Variants in NUDT13 observed in about 807,000 individuals in gnomAD.
NUDT13 encodes the protein nudix hydrolase 13.
Under a neutral mutation model 41.7 loss-of-function variants are expected in NUDT13, and 40 were observed. That is an observed-to-expected ratio of 0.96 (90% CI 0.75 to 1.25). The LOEUF is 1.25. Among genes scored for constraint, NUDT13 ranks in the 50% most tolerant of loss-of-function variants. NUDT13 has a pLI of 0.00. For missense variants in NUDT13, 390 were observed against 416.1 expected (o/e 0.94, Z 0.55); for synonymous variants, 145 against 155.5 (o/e 0.93, Z 0.50).
At chr10:73,122,880 C>T (rs1842679977) in intron 4 of NUDT13, among the ~76,000 whole-genome samples, 1 of 150,264 alleles carries the variant, frequency 6.7e-6, no homozygotes. Context: ...CCACACCTGG[C>T]CTATACATTT....
At chr10:73,119,886 A>T (rs1842601037) in intron 2 of NUDT13, 132 bp from the exon 3 acceptor site, 1 of 986,536 alleles carries the variant, frequency 1.0e-6, no homozygotes, top group Non-Finnish European at 1.5e-6. Context: ...TTTTGGAGCA[A>T]ATTAGGTTGT....
intron 5 of NUDT13, 105 bp downstream of exon 5, chr10:73,124,425 C>A: frequency 1.3e-6 from 1 of 741,272 alleles, no homozygotes; most frequent in Non-Finnish European, 2.3e-6. Flanking sequence ...TCTTCTTTTG[C>A]AGATTATAGT....
chr10:73,112,850 A>T (rs1842402478), intron 1 of NUDT13, among the ~76,000 whole-genome samples: 1 of 151,382 alleles, frequency 6.6e-6, no homozygotes, highest in Admixed American at 6.6e-5. Context: ...GTTACTATAT[A>T]TATATATTTT....
chr10:73,119,732 C>G (rs962056864), intron 2 of NUDT13, among the ~76,000 whole-genome samples: 2 of 152,122 alleles, frequency 1.3e-5, no homozygotes, highest in African/African-American at 4.8e-5. Context: ...GTAAAGCATA[C>G]CTTCCCCTTA....
chr10:73,112,149 G>A (rs944630101), intron 1 of NUDT13, among the ~76,000 whole-genome samples: 1 of 152,034 alleles, frequency 6.6e-6, no homozygotes, highest in Non-Finnish European at 1.5e-5. Flanking sequence ...ACAGGAGTTC[G>A]AGACCAGCCT....
At chr10:73,127,068 A>C (rs1298057096) in intron 8 of NUDT13, among the ~76,000 whole-genome samples, 1 of 151,740 alleles carries the variant, frequency 6.6e-6, no homozygotes, top group Non-Finnish European at 1.5e-5. Context: ...ACATGGCAAA[A>C]CTCCATCTCT....
rs1401643292 is a variant in NUDT13, at chr10:73,124,492, T to C, written c.465+172T>C. The C allele has an allele frequency of 1.8e-5, 10 of 558,874 alleles. No individual in the cohort carries two copies. In the Admixed American group the frequency reaches 2.2e-4, roughly 12 times the overall value. The allele number at this position is 558,874 out of a possible 1,614,324, so 34.6% of individuals were successfully genotyped here. ...TGTAGGGAGATTGCTTATTCTTCCTTCTTCTGCCCTTGTTTTTGGCAGAAC... is the reference window on the plus strand; with the variant it reads ...TGTAGGGAGATTGCTTATTCTTCCTCCTTCTGCCCTTGTTTTTGGCAGAAC... On this transcript the variant is annotated intron_variant, in intron 5 of 8. Transcript: ENST00000357321.
chr10:73,122,747 T>A lies in NUDT13; in HGVS notation c.358+438T>A, dbSNP rs1236053656. 1.1e-4 allele frequency among the ~76,000 whole-genome samples: 12 copies of A among 105,272 alleles called. No individual in the cohort carries two copies. In the East Asian group the frequency reaches 3.7e-3, roughly 32 times the overall value. The allele number at this position is 105,272 out of a possible 152,430, so 69.1% of individuals were successfully genotyped here. On this transcript the variant is annotated intron_variant, in intron 4 of 8. Transcript: ENST00000357321. The stretch of plus-strand genomic sequence containing the variant: ...CTACCATGCCCAGCTAATTTTTAAT[T>A]TTTTTTTTTTTTTAATAGAGATGGG...
chr10:73,118,775 C>T (rs1236638473), intron 2 of NUDT13, among the ~76,000 whole-genome samples: 1 of 151,928 alleles, frequency 6.6e-6, no homozygotes, highest in African/African-American at 2.4e-5. Flanking sequence ...GAGTTCGAAA[C>T]CAGCCTGGCC....
At chr10:73,124,887 A>C (rs1312309153) in intron 5 of NUDT13, 1 of 440,558 alleles carries the variant, frequency 2.3e-6, no homozygotes, top group Non-Finnish European at 4.0e-6. Context: ...ATATGTTTTA[A>C]ATAATAATAC....
intron 1 of NUDT13, among the ~76,000 whole-genome samples, chr10:73,112,743 A>G (rs560422749): frequency 1.1e-4 from 17 of 152,118 alleles, no homozygotes; most frequent in Admixed American, 9.8e-4. Context: ...GAATTTATTC[A>G]TCCTAACTGA....
At chr10:73,124,474 A>G in intron 5 of NUDT13, 154 bp downstream of exon 5, 6 of 574,234 alleles carry the variant, frequency 1.0e-5, no homozygotes, top group Non-Finnish European at 1.5e-5. Flanking sequence ...TGCTGTAGGG[A>G]GATTGCTTAT....
chr10:73,120,841 G>A (rs1021056213), intron 3 of NUDT13, among the ~76,000 whole-genome samples: 1 of 151,918 alleles, frequency 6.6e-6, no homozygotes, highest in Non-Finnish European at 1.5e-5. Context: ...GGGAGGCTGA[G>A]GTAGGAGAAT....
intron 3 of NUDT13, among the ~76,000 whole-genome samples, chr10:73,120,861 C>T (rs1842629916): frequency 6.6e-6 from 1 of 151,658 alleles, no homozygotes; most frequent in African/African-American, 2.4e-5. Flanking sequence ...TGGCGTCAAC[C>T]CGGGAGGCGG....
intron 3 of NUDT13, among the ~76,000 whole-genome samples, chr10:73,120,744 C>G (rs1252446668): frequency 6.6e-6 from 1 of 151,628 alleles, no homozygotes; most frequent in Non-Finnish European, 1.5e-5. Flanking sequence ...CAAGACCAAC[C>G]TGGCTAACAC....
At chr10:73,124,653 A>G (rs1160555167) in intron 5 of NUDT13, 6 of 225,732 alleles carry the variant, frequency 2.7e-5, no homozygotes, top group Non-Finnish European at 5.1e-5. Context: ...ATTACTTTAC[A>G]TTGCTTTAAT....
At chr10:73,122,715 G>T (rs1272843529) in intron 4 of NUDT13, among the ~76,000 whole-genome samples, 2 of 151,348 alleles carry the variant, frequency 1.3e-5, no homozygotes, top group African/African-American at 4.9e-5. Context: ...GGGACCATGG[G>T]CATGTACTAC....
In NUDT13 at chr10:73,131,567, C is replaced by A. The variant is rs541498753; in HGVS notation, c.*664C>A. On this transcript the variant is annotated 3_prime_UTR_variant, in exon 9 of 9. Transcript: ENST00000357321. ...TAAATCTTTTTCGCTGTTTTCAGCTCTGTCACATGCTCAGTTTGTGACCCA... is the reference window on the plus strand; with the variant it reads ...TAAATCTTTTTCGCTGTTTTCAGCTATGTCACATGCTCAGTTTGTGACCCA... 3.9e-5 allele frequency: 6 copies of A among 152,672 alleles called. No homozygotes were observed. In the East Asian group the frequency reaches 9.6e-4, roughly 24 times the overall value. 9.5% of individuals were successfully genotyped at this position (152,672 alleles called of 1,614,324 possible).
intron 2 of NUDT13, among the ~76,000 whole-genome samples, chr10:73,116,417 A>T (rs78622445): frequency 0.16 from 23,923 of 152,026 alleles, 3,124 homozygotes; most frequent in African/African-American, 0.33. Flanking sequence ...CAGTGATTCC[A>T]ATATATAAAG....
Sources: gnomAD v4.1 joint callset for allele counts (sites outside exome capture counted in the v4.1 genomes callset) on GRCh38, gnomAD v4.1.1 for gene constraint, MANE v1.5 for transcripts, NCBI Gene and HGNC (gene_info 2026-07-23, HGNC 2026-07-21) for gene names.